MEGF11: variants seen among roughly 807,000 people sequenced by gnomAD.
MEGF11 encodes multiple epidermal growth factor-like domains protein 11.
MEGF11 carries 126 observed loss-of-function variants against 146.6 expected under a neutral mutation model. That is an observed-to-expected ratio of 0.86 (90% CI 0.74 to 1.00). MEGF11 has a LOEUF of 1.00. MEGF11 is among the 50% of genes least tolerant of loss of function. MEGF11 has a pLI of 0.00. For missense variants in MEGF11, 1,509 were observed against 1,521.2 expected, an observed-to-expected ratio of 0.99 and a Z score of 0.13; for synonymous variants, 532 against 583.4, an observed-to-expected ratio of 0.91 and a Z score of 1.27.
intron 1 of MEGF11, among the ~76,000 whole-genome samples, chr15:66,210,505 G>A (rs992787086): frequency 1.3e-5 from 2 of 152,236 alleles, no homozygotes; most frequent in Admixed American, 6.5e-5. Context: ...GAATCATCTC[G>A]ATGCTCCACC....
intron 1 of MEGF11, among the ~76,000 whole-genome samples, chr15:66,234,247 A>G (rs2092040401): frequency 6.6e-6 from 1 of 152,178 alleles, no homozygotes; most frequent in South Asian, 2.1e-4. Context: ...CAGCCATGTC[A>G]CCACCATGAG....
chr15:66,216,015 C>T (rs1206493679), intron 1 of MEGF11, among the ~76,000 whole-genome samples: 1 of 152,192 alleles, frequency 6.6e-6, no homozygotes, highest in African/African-American at 2.4e-5. Context: ...GGGACACCCA[C>T]TCTCCTTCAA....
intron 1 of MEGF11, among the ~76,000 whole-genome samples, chr15:66,176,756 G>C (rs1368862590): frequency 6.6e-6 from 1 of 152,160 alleles, no homozygotes; most frequent in African/African-American, 2.4e-5. Flanking sequence ...CTCTGCTCTG[G>C]GGAGGTTCCC....
chr15:65,943,736 G>A (rs1401538543), intron 10 of MEGF11, among the ~76,000 whole-genome samples: 1 of 152,202 alleles, frequency 6.6e-6, no homozygotes. Flanking sequence ...GCATCTGCAT[G>A]TCAGACATCT....
rs1369524851 is a variant in MEGF11 at position 66,069,202 on chromosome 15, C to A, written c.394+25200G>T. ...AGACCACAAGGGCAAATATCCCTTACCGTCCAAGTCTGTTTGGTCCTGAGC... is the reference window on the plus strand; with the variant it reads ...AGACCACAAGGGCAAATATCCCTTAACGTCCAAGTCTGTTTGGTCCTGAGC... On this transcript the variant is annotated intron_variant, in intron 5 of 25. Coordinates refer to ENST00000395614, the MANE Select transcript of MEGF11 (RefSeq NM_001385028.1). Among the ~76,000 whole-genome samples, 5 of 152,218 alleles carry A rather than the reference C, an allele frequency of 3.3e-5. No individual in the cohort carries two copies. In the South Asian group the frequency reaches 1.0e-3, roughly 31 times the overall value.
At chr15:66,108,552 C>T (rs1017747648) in intron 4 of MEGF11, among the ~76,000 whole-genome samples, 2 of 152,132 alleles carry the variant, frequency 1.3e-5, no homozygotes, top group Admixed American at 1.3e-4. Context: ...GCAGACGGGG[C>T]GGTCAGGGAA....
chr15:66,169,845 G>A lies in MEGF11; in HGVS notation c.-8-41434C>T, dbSNP rs1054119323. Among the ~76,000 whole-genome samples, 9 of 152,268 alleles carry A rather than the reference G, an allele frequency of 5.9e-5. 1 individual carries two copies. In the South Asian group the frequency reaches 6.2e-4, roughly 11 times the overall value. ...AGCACCGCGGCAGCCGGACCATCCC[G>A]GCAGGTCACATACACACAGTTTGTA... On this transcript the variant is annotated intron_variant, in intron 1 of 25. Coordinates refer to ENST00000395614, the MANE Select transcript of MEGF11 (RefSeq NM_001385028.1).
At chr15:66,170,438 G>A (rs768819735) in intron 1 of MEGF11, among the ~76,000 whole-genome samples, 1 of 152,208 alleles carries the variant, frequency 6.6e-6, no homozygotes, top group Non-Finnish European at 1.5e-5. Flanking sequence ...CTCTTACAGG[G>A]AAGTCTACAG....
At chr15:65,922,542 C>A (rs2079210508) in intron 14 of MEGF11, 70 bp from the exon 15 acceptor site, 1 of 1,473,104 alleles carries the variant, frequency 6.8e-7, no homozygotes, top group East Asian at 2.5e-5. Context: ...CCTTCCTGTT[C>A]CACACTTCTC....
chr15:66,161,306 A>C (rs879356384), intron 1 of MEGF11, among the ~76,000 whole-genome samples: 7 of 152,242 alleles, frequency 4.6e-5, no homozygotes, highest in Non-Finnish European at 1.0e-4. Context: ...AGGCAGCCAC[A>C]CGGGTGAAGA....
intron 5 of MEGF11, among the ~76,000 whole-genome samples, chr15:66,052,971 C>G (rs2084512327): frequency 6.6e-6 from 1 of 152,096 alleles, no homozygotes; most frequent in South Asian, 2.1e-4. Context: ...CTTGATGACC[C>G]AGTTTATAAT....
chr15:66,169,385 C>T (rs2090184479), intron 1 of MEGF11, among the ~76,000 whole-genome samples: 1 of 152,164 alleles, frequency 6.6e-6, no homozygotes, highest in Admixed American at 6.5e-5. Flanking sequence ...GAGACTTGGC[C>T]GGGACCAGCA....
At chr15:66,213,442 C>T (rs1209497919) in intron 1 of MEGF11, among the ~76,000 whole-genome samples, 1 of 152,218 alleles carries the variant, frequency 6.6e-6, no homozygotes, top group Non-Finnish European at 1.5e-5. Context: ...CAGTGAACAA[C>T]ACAGACAAAA....
Position 66,111,863 on chromosome 15 carries a change from A to G in MEGF11, c.301+7223T>C, listed in dbSNP as rs371383290. Among the ~76,000 whole-genome samples, 3 of 152,164 alleles carry G rather than the reference A, an allele frequency of 2.0e-5. No individual in the cohort carries two copies. The East Asian group carries it at 5.8e-4, about 29-fold the overall frequency. ...CCACTGAATTGCACACTTTAAAATG[A>G]TTTTATGGTATGTGAAATTCACATC... is the stretch of plus-strand genomic sequence containing the variant. On this transcript the variant is annotated intron_variant, in intron 4 of 25. Transcript: ENST00000395614.
At chr15:66,134,627 C>T (rs2088808743) in intron 1 of MEGF11, among the ~76,000 whole-genome samples, 1 of 152,262 alleles carries the variant, frequency 6.6e-6, no homozygotes, top group Admixed American at 6.5e-5. Flanking sequence ...CAGGGCCCTT[C>T]AGCTCCATGG....
At position 65,962,430 on chromosome 15, in the gene MEGF11, T is replaced by C. The variant is rs537123674; in HGVS notation, c.1112+2478A>G. 1.1e-3 allele frequency among the ~76,000 whole-genome samples: 163 copies of C among 152,166 alleles called. 4 individuals are homozygous for C. In the South Asian group the frequency reaches 0.033, roughly 31 times the overall value. ...AAGGGTGCTACTGGCATCTAGTGGG[T>C]AGAGGCCAGGGATGCTGCTCAACAT... is the stretch of plus-strand genomic sequence containing the variant. On this transcript the variant is annotated intron_variant, in intron 9 of 25. Transcript: ENST00000395614.
intron 5 of MEGF11, among the ~76,000 whole-genome samples, chr15:66,000,635 G>T (rs1395448995): frequency 3.3e-5 from 5 of 152,108 alleles, no homozygotes; most frequent in Admixed American, 2.6e-4. Flanking sequence ...TGTGTATCAG[G>T]GGTTGATATT....
At chr15:66,019,722 C>T (rs921162269) in intron 5 of MEGF11, among the ~76,000 whole-genome samples, 4 of 152,244 alleles carry the variant, frequency 2.6e-5, no homozygotes, top group African/African-American at 9.6e-5. Context: ...CGACCTCACT[C>T]GCTGAGCCTC....
chr15:66,250,880 C>CTGAG (rs10634460), intron 1 of MEGF11, among the ~76,000 whole-genome samples: 56,285 of 150,274 alleles, frequency 0.37, 11,472 homozygotes, highest in African/African-American at 0.55. Flanking sequence ...GTACTCCAGC[C>CTGAG]TGAGAAAGTG....
Sources: allele counts gnomAD v4.1 joint callset (sites outside exome capture counted in the v4.1 genomes callset), GRCh38; gene constraint gnomAD v4.1.1; transcripts MANE v1.5; gene names NCBI Gene and HGNC (gene_info 2026-07-23, HGNC 2026-07-21).